RBM19: variants seen among roughly 807,000 people sequenced by gnomAD.
RBM19 encodes RNA binding motif protein 19.
RBM19 carries 94 observed loss-of-function variants against 116.8 expected under a neutral mutation model. The ratio of observed to expected loss-of-function variants is 0.80; its 90% CI spans 0.68 to 0.95. RBM19 has a LOEUF of 0.95. Among genes scored for constraint, RBM19 ranks in the 40% least tolerant of loss-of-function variants. RBM19 has a pLI of 0.00. For synonymous variants in RBM19, 475 were observed against 494.1 expected (o/e 0.96, Z 0.51); for missense variants, 1,161 against 1,220.7 (o/e 0.95, Z 0.73).
At chr12:113,902,724 T>C (rs1482253176) in intron 21 of RBM19, among the ~76,000 whole-genome samples, 3 of 152,104 alleles carry the variant, frequency 2.0e-5, no homozygotes, top group South Asian at 2.1e-4. Flanking sequence ...TGTGAATCAA[T>C]AGTTTGTCCC....
At chr12:113,835,975 C>T (rs1875845114) in intron 23 of RBM19, among the ~76,000 whole-genome samples, 1 of 152,230 alleles carries the variant, frequency 6.6e-6, no homozygotes, top group Admixed American at 6.5e-5. Context: ...ATTATATTCT[C>T]TCGGCTGCGC....
intron 6 of RBM19, among the ~76,000 whole-genome samples, chr12:113,957,269 G>A (rs1258992209): frequency 2.0e-5 from 3 of 152,152 alleles, no homozygotes; most frequent in Non-Finnish European, 2.9e-5. Flanking sequence ...ACCTCTCCAG[G>A]TTAGCAACAG....
At position 113,937,087 on chromosome 12, in the gene RBM19, G is replaced by A; in HGVS notation, c.1988C>T (p.Ser663Phe). 1 of 1,614,064 alleles carries A rather than the reference G, an allele frequency of 6.2e-7. No individual in the cohort carries two copies. The highest frequency in any genetic ancestry group is 1.1e-5 in the South Asian group (1 of 91,086). The change falls in exon 16 of 24, where the codon TCC (serine) becomes TTC (phenylalanine). Residue 663 changes from serine to phenylalanine, a missense_variant. Transcript: ENST00000261741. ...CTTTTTCTTCTGTGGGGCTGTGCTG[G>A]AGAAGACGCCAACTGGAGCCCACTC... ...YLEWAPVGVF[S>F]STAPQKKKLQ...
chr12:113,925,134 CAT>C (rs1868951093), intron 17 of RBM19, among the ~76,000 whole-genome samples: 1 of 152,204 alleles, frequency 6.6e-6, no homozygotes, highest in Admixed American at 6.5e-5. Context: ...AATTTTAAGT[CAT>C]AGTCTATTCT....
chr12:113,884,817 G>C (rs1880412325), intron 21 of RBM19, among the ~76,000 whole-genome samples: 1 of 152,190 alleles, frequency 6.6e-6, no homozygotes, highest in Non-Finnish European at 1.5e-5. Flanking sequence ...CCTTGAAGGG[G>C]TTCCCACTGG....
In RBM19 at chr12:113,959,905, T is replaced by G; in HGVS notation, c.340-2A>C. On this transcript the variant is annotated splice_acceptor_variant, in intron 3 of 23. Coordinates refer to ENST00000261741, the MANE Select transcript of RBM19 (RefSeq NM_016196.4). LOFTEE classifies it high-confidence loss of function. Reference sequence around the variant, plus strand: ...TGCCACCTTTTTCTTCTTCTCATCCTGAAAACAGAAGGCACAGAGAGTGAG... The same window carrying G: ...TGCCACCTTTTTCTTCTTCTCATCCGGAAAACAGAAGGCACAGAGAGTGAG... 1 of 1,614,160 alleles carries G rather than the reference T, an allele frequency of 6.2e-7. No homozygotes were observed. Among genetic ancestry groups the G allele is most frequent in the Middle Eastern group, 1.6e-4 (1 of 6,062 alleles).
chr12:113,843,349 C>G lies in RBM19; in HGVS notation c.2785+1319G>C, dbSNP rs531672342. ...CCCACAGAGAAGGGATGGATGAGGGCACAATGGTGGCTCCATCCAGGAAAG... is the reference window on the plus strand; with the variant it reads ...CCCACAGAGAAGGGATGGATGAGGGGACAATGGTGGCTCCATCCAGGAAAG... On this transcript the variant is annotated intron_variant, in intron 23 of 23. Coordinates refer to ENST00000261741, the MANE Select transcript of RBM19 (RefSeq NM_016196.4). Among the ~76,000 whole-genome samples, 7 of 152,262 alleles carry G rather than the reference C, an allele frequency of 4.6e-5. No individual in the cohort carries two copies. The South Asian group carries it at 1.5e-3, about 32-fold the overall frequency.
At chr12:113,867,355 A>C (rs1878894598) in intron 21 of RBM19, among the ~76,000 whole-genome samples, 2 of 152,246 alleles carry the variant, frequency 1.3e-5, no homozygotes, top group Admixed American at 1.3e-4. Context: ...TGGATCCTGC[A>C]ATCATCACCA....
chr12:113,842,853 A>G (rs1876620680), intron 23 of RBM19, among the ~76,000 whole-genome samples: 2 of 152,050 alleles, frequency 1.3e-5, no homozygotes. Context: ...AGCAGAGGGA[A>G]CAGCATGTGC....
chr12:113,962,467 G>T, intron 1 of RBM19, 53 bp from the exon 2 acceptor site: 1 of 1,540,208 alleles, frequency 6.5e-7, no homozygotes. Flanking sequence ...CCAGAGCAAG[G>T]GGACAAAATG....
chr12:113,942,305 C>T lies in RBM19; in HGVS notation c.1737+19G>A, dbSNP rs780259452. On this transcript the variant is annotated intron_variant, in intron 14 of 23. Transcript: ENST00000261741. ...TCTCCAGTGGCTGCTGGCTGGCTGG[C>T]GCCACCGAGAACACCCACCTGGCTG... 1.3e-5 allele frequency: 20 copies of T among 1,585,620 alleles called. No individual in the cohort carries two copies. In the East Asian group the frequency reaches 2.9e-4, roughly 23 times the overall value.
intron 21 of RBM19, among the ~76,000 whole-genome samples, chr12:113,881,528 C>T (rs1287011744): frequency 3.3e-5 from 5 of 152,180 alleles, no homozygotes; most frequent in Non-Finnish European, 7.3e-5. Flanking sequence ...CGTTGTCTTC[C>T]TCTGGCCACT....
chr12:113,918,255 A>G, intron 20 of RBM19, 137 bp downstream of exon 20: 1 of 832,030 alleles, frequency 1.2e-6, no homozygotes, highest in Non-Finnish European at 2.0e-6. Flanking sequence ...AGGCATCTTA[A>G]TTAGGAAGAG....
At chr12:113,947,749 A>C (rs1871155664) in intron 10 of RBM19, among the ~76,000 whole-genome samples, 1 of 152,236 alleles carries the variant, frequency 6.6e-6, no homozygotes, top group Non-Finnish European at 1.5e-5. Context: ...AAATGCGTTC[A>C]TGCGTGCATA....
chr12:113,937,146 CAA>C lies in RBM19; in HGVS notation c.1939-12_1939-11del. ...GGGGGACATGATGGAACTGCAGAGACAAGAGTGATGGCCCTGTGGGTCTTCAT... is the reference window on the plus strand; with the variant it reads ...GGGGGACATGATGGAACTGCAGAGACGAGTGATGGCCCTGTGGGTCTTCAT... On this transcript the variant is annotated splice_polypyrimidine_tract_variant and intron_variant, in intron 15 of 23. Coordinates refer to ENST00000261741, the MANE Select transcript of RBM19 (RefSeq NM_016196.4). 2 of 1,613,848 alleles carry C rather than the reference CAA, an allele frequency of 1.2e-6. No individual in the cohort carries two copies. Among genetic ancestry groups the C allele is most frequent in the Non-Finnish European group, 1.7e-6 (2 of 1,179,866 alleles).
intron 12 of RBM19, 43 bp from the exon 13 acceptor site, chr12:113,945,967 A>G: frequency 2.7e-6 from 4 of 1,490,950 alleles, no homozygotes; most frequent in Non-Finnish European, 3.7e-6. Context: ...CCGCAGCTGG[A>G]TGAGGGGAAC....
intron 16 of RBM19, chr12:113,932,591 C>G (rs1015717181): frequency 1.3e-5 from 2 of 152,236 alleles, no homozygotes; most frequent in African/African-American, 4.8e-5. Flanking sequence ...CTCCCCGAGT[C>G]ACCAGGCCAG....
At chr12:113,932,117 G>GT (rs140694693) in intron 16 of RBM19, among the ~76,000 whole-genome samples, 2,397 of 152,284 alleles carry the variant, frequency 0.016, 68 homozygotes, top group African/African-American at 0.054. Context: ...GAGGTCTTAG[G>GT]TAAGAGCACA....
Position 113,823,206 on chromosome 12 carries a change from C to A in RBM19, c.*18G>T. ...CGGTCCCCAGGGCCCCGGAGCCACA[C>A]ACCCTCTCGGTGCCAGCTCACAGCT... On this transcript the variant is annotated 3_prime_UTR_variant, in exon 24 of 24. Transcript: ENST00000261741. 6.2e-7 allele frequency: 1 copy of A among 1,604,886 alleles called. No individual in the cohort carries two copies. The highest frequency in any genetic ancestry group is 8.5e-7 in the Non-Finnish European group (1 of 1,178,202).
Sources: gnomAD v4.1 joint callset for allele counts (sites outside exome capture counted in the v4.1 genomes callset) on GRCh38, gnomAD v4.1.1 for gene constraint, MANE v1.5 for transcripts, NCBI Gene and HGNC (gene_info 2026-07-23, HGNC 2026-07-21) for gene names.